Variants in ROBO2 observed in about 807,000 individuals in gnomAD.
The protein encoded by ROBO2 is roundabout guidance receptor 2.
ROBO2 carries 53 observed loss-of-function variants against 160.8 expected under a neutral mutation model. The observed-to-expected ratio is 0.33, with a 90% CI of 0.26 to 0.41. The LOEUF is 0.41. ROBO2 is among the 10% of genes least tolerant of loss of function. ROBO2 has a pLI of 1.00. For synonymous variants in ROBO2, 664 were observed against 611.7 expected (o/e 1.09, Z -1.26); for missense variants, 1,577 against 1,722.4 (o/e 0.92, Z 1.49).
intron 2 of ROBO2, among the ~76,000 whole-genome samples, chr3:76,231,993 ATAGAT>A: frequency 6.6e-6 from 1 of 152,314 alleles, no homozygotes; most frequent in Non-Finnish European, 1.5e-5. Flanking sequence ...AAATAAATTT[ATAGAT>A]TAAAGGCTAA....
upstream of ROBO2, among the ~76,000 whole-genome samples, chr3:77,038,139 T>A (rs968759578): frequency 6.6e-6 from 1 of 152,246 alleles, no homozygotes; most frequent in African/African-American, 2.4e-5. Flanking sequence ...TTTAGACGTA[T>A]TGGACCTTTG....
intron 2 of ROBO2, among the ~76,000 whole-genome samples, chr3:76,682,471 C>T (rs961890870): frequency 5.9e-5 from 9 of 151,936 alleles, no homozygotes; most frequent in East Asian, 1.9e-4. Context: ...TGCAGTAGCA[C>T]GATCTCGGTT....
At chr3:77,356,636 T>C (rs1199560272) in intron 2 of ROBO2, among the ~76,000 whole-genome samples, 2 of 152,160 alleles carry the variant, frequency 1.3e-5, no homozygotes, top group Non-Finnish European at 2.9e-5. Flanking sequence ...ACTTTTGAAA[T>C]GAAAACGCAA....
chr3:75,938,746 A>G (rs1947906026), intron 2 of ROBO2, among the ~76,000 whole-genome samples: 1 of 152,180 alleles, frequency 6.6e-6, no homozygotes, highest in South Asian at 2.1e-4. Flanking sequence ...TTTCAAAACC[A>G]CAAATGCATG....
At position 77,565,631 on chromosome 3, in the gene ROBO2, C is replaced by A. The variant is rs534239749; in HGVS notation, c.1849+511C>A. On this transcript the variant is annotated intron_variant, in intron 12 of 25. Coordinates refer to ENST00000461745, the Ensembl canonical transcript of ROBO2. ...ATTCAAACGCTCTGAGGTTGGGGCCCAGTGTTTGTTTTAACAAACCCTCCT... is the reference window on the plus strand; with the variant it reads ...ATTCAAACGCTCTGAGGTTGGGGCCAAGTGTTTGTTTTAACAAACCCTCCT... Among the ~76,000 whole-genome samples, 17 of 152,138 alleles carry A rather than the reference C, an allele frequency of 1.1e-4. No individual in the cohort carries two copies. In the East Asian group the frequency reaches 2.9e-3, roughly 26 times the overall value.
At chr3:75,966,766 C>A (rs1034238623) in intron 2 of ROBO2, among the ~76,000 whole-genome samples, 3 of 151,618 alleles carry the variant, frequency 2.0e-5, no homozygotes, top group East Asian at 2.0e-4. Context: ...CTTTTCTATT[C>A]CCCCAAATGA....
chr3:77,293,592 C>G (rs1433397139), intron 2 of ROBO2, among the ~76,000 whole-genome samples: 2 of 145,958 alleles, frequency 1.4e-5, no homozygotes, highest in African/African-American at 5.3e-5. Context: ...TAAGCTGAGG[C>G]TAGATCACCC....
intron 2 of ROBO2, among the ~76,000 whole-genome samples, chr3:77,151,958 G>A (rs2077580594): frequency 1.3e-5 from 2 of 151,922 alleles, no homozygotes; most frequent in African/African-American, 4.8e-5. Context: ...CAAATTTCTA[G>A]TACACACTTT....
chr3:77,328,362 A>G (rs1333437411), intron 2 of ROBO2, among the ~76,000 whole-genome samples: 1 of 152,222 alleles, frequency 6.6e-6, no homozygotes, highest in Non-Finnish European at 1.5e-5. Flanking sequence ...GACACAGAAC[A>G]CAGTTTGCTA....
At chr3:76,922,266 G>A (rs1347125017) in intron 2 of ROBO2, among the ~76,000 whole-genome samples, 4 of 152,132 alleles carry the variant, frequency 2.6e-5, no homozygotes, top group Non-Finnish European at 2.9e-5. Flanking sequence ...AGCCGAGATC[G>A]CACCACTGCA....
intron 2 of ROBO2, among the ~76,000 whole-genome samples, chr3:77,257,617 T>C (rs2058506652): frequency 6.6e-6 from 1 of 152,236 alleles, no homozygotes; most frequent in Non-Finnish European, 1.5e-5. Flanking sequence ...GGCAGTGCAG[T>C]CTGTATGTAA....
At chr3:76,683,636 A>T (rs2106995840) in intron 2 of ROBO2, among the ~76,000 whole-genome samples, 1 of 152,266 alleles carries the variant, frequency 6.6e-6, no homozygotes, top group East Asian at 1.9e-4. Context: ...TTTCTGAGAC[A>T]TATATTTGAA....
In ROBO2 at chr3:77,142,598, A is replaced by G. The variant is rs114369448; in HGVS notation, c.388+44258A>G. On this transcript the variant is annotated intron_variant, in intron 2 of 25. Transcript: ENST00000461745. ...TGCTTATACACACATGGAATACAAA[A>G]TAAATTGTCCACGTAGCAGGCAAAT... Among the ~76,000 whole-genome samples the G allele has an allele frequency of 4.6e-3, 707 of 152,350 alleles. 3 individuals are homozygous for G. The highest frequency in any genetic ancestry group is 0.016 in the African/African-American group (671 of 41,578).
At chr3:77,271,137 T>G (rs1440361655) in intron 2 of ROBO2, among the ~76,000 whole-genome samples, 1 of 152,196 alleles carries the variant, frequency 6.6e-6, no homozygotes, top group African/African-American at 2.4e-5. Context: ...CTATGTAATA[T>G]ATACAATAAA....
rs560458194 is a variant in ROBO2, at chr3:76,126,252, G to C, written c.109+188650G>C. On this transcript the variant is annotated intron_variant, in intron 2 of 26. Transcript: ENST00000487694. ...TAAAACAAACATTAATTTGAGAGGAGTGTCAATAGAGACCAGTTTGCTTTT... is the reference window on the plus strand; with the variant it reads ...TAAAACAAACATTAATTTGAGAGGACTGTCAATAGAGACCAGTTTGCTTTT... Among the ~76,000 whole-genome samples the C allele has an allele frequency of 3.9e-5, 6 of 152,290 alleles. No individual in the cohort carries two copies. The East Asian group carries it at 1.2e-3, about 29-fold the overall frequency.
chr3:76,023,182 T>C (rs2066625586), intron 2 of ROBO2, among the ~76,000 whole-genome samples: 1 of 151,740 alleles, frequency 6.6e-6, no homozygotes. Flanking sequence ...CTATCCAGAC[T>C]AATAAAACAT....
chr3:75,969,265 A>G (rs2064914916), intron 2 of ROBO2, among the ~76,000 whole-genome samples: 1 of 151,236 alleles, frequency 6.6e-6, no homozygotes, highest in South Asian at 2.1e-4. Context: ...CTATACTGCA[A>G]TAAACATGGG....
chr3:76,290,061 C>G (rs1423590319), intron 2 of ROBO2, among the ~76,000 whole-genome samples: 1 of 152,094 alleles, frequency 6.6e-6, no homozygotes, highest in African/African-American at 2.4e-5. Flanking sequence ...AGGAATAGCA[C>G]TGAATTTGGA....
intron 2 of ROBO2, among the ~76,000 whole-genome samples, chr3:76,364,292 C>T (rs959378465): frequency 1.3e-5 from 2 of 152,056 alleles, no homozygotes; most frequent in Non-Finnish European, 2.9e-5. Context: ...TAGTAACTCT[C>T]ACAGTTTTTC....
Sources: allele counts gnomAD v4.1 joint callset (sites outside exome capture counted in the v4.1 genomes callset), GRCh38; gene constraint gnomAD v4.1.1; transcripts MANE v1.5; gene names NCBI Gene and HGNC (gene_info 2026-07-23, HGNC 2026-07-21).